The following TFPI variants were observed in gnomAD, a reference collection of about 807,000 sequenced individuals.
The protein encoded by TFPI is anti-convertin.
In TFPI, 15 loss-of-function variants were observed where a neutral mutation model predicts 34.6. The observed-to-expected ratio is 0.43, with a 90% CI of 0.29 to 0.67. The LOEUF is 0.67. TFPI is among the 30% of genes least tolerant of loss of function. TFPI has a pLI of 0.15. For synonymous variants in TFPI, 105 were observed against 120.1 expected (o/e 0.87, Z 0.82); for missense variants, 301 against 364.0 (o/e 0.83, Z 1.41).
chr2:187,540,502 T>C (rs1433485333), intron 1 of TFPI, among the ~76,000 whole-genome samples: 1 of 151,998 alleles, frequency 6.6e-6, no homozygotes, highest in Non-Finnish European at 1.5e-5. Flanking sequence ...CTCGATAAAT[T>C]AGGACAAAGA....
chr2:187,530,301 T>G (rs1687897483), intron 1 of TFPI, among the ~76,000 whole-genome samples: 3 of 152,188 alleles, frequency 2.0e-5, no homozygotes, highest in African/African-American at 7.2e-5. Context: ...AGGCTTGTTT[T>G]GAAATTGGAG....
intron 1 of TFPI, chr2:187,527,025 C>G (rs1253335985): frequency 2.6e-5 from 4 of 152,146 alleles, no homozygotes. Flanking sequence ...AACCTGGCAG[C>G]CTGTTTTTTG....
chr2:187,496,433 G>A (rs1229085413), intron 3 of TFPI, among the ~76,000 whole-genome samples: 3 of 152,036 alleles, frequency 2.0e-5, no homozygotes, highest in Non-Finnish European at 4.4e-5. Context: ...CTGGGAGGCC[G>A]AATTACACCC....
At chr2:187,540,375 TA>T (rs1387200967) in intron 1 of TFPI, among the ~76,000 whole-genome samples, 2 of 152,136 alleles carry the variant, frequency 1.3e-5, no homozygotes, top group Non-Finnish European at 2.9e-5. Flanking sequence ...ATATTCAGTA[TA>T]GGGGGATTAA....
chr2:187,489,378 AAAG>A (rs1029911646), intron 3 of TFPI, among the ~76,000 whole-genome samples: 3 of 134,144 alleles, frequency 2.2e-5, no homozygotes, highest in African/African-American at 6.0e-5. Context: ...CCTTTTAAAA[AAAG>A]AGGTGTGTGT....
intron 1 of TFPI, among the ~76,000 whole-genome samples, chr2:187,535,553 C>T (rs1246674178): frequency 1.3e-5 from 2 of 152,160 alleles, no homozygotes; most frequent in East Asian, 1.9e-4. Context: ...AAAGACACAA[C>T]ATACCAAAAT....
In TFPI at chr2:187,469,090, G is replaced by GA. The variant is rs8176588; in HGVS notation, c.629-1159dup. 6.6e-3 allele frequency among the ~76,000 whole-genome samples: 1,004 copies of GA among 151,604 alleles called. 18 individuals are homozygous for GA. The highest frequency in any genetic ancestry group is 0.023 in the African/African-American group (954 of 41,406). ...AAATAAAACAAAGTGAGAAAAAAAT[G>GA]AAAAAAAATCTCAAATTGATATAAA... is the stretch of plus-strand genomic sequence containing the variant. On this transcript the variant is annotated intron_variant, in intron 6 of 7. Coordinates refer to ENST00000233156, the MANE Select transcript of TFPI (RefSeq NM_006287.6).
chr2:187,523,249 G>A (rs1687502989), intron 1 of TFPI, among the ~76,000 whole-genome samples: 1 of 152,076 alleles, frequency 6.6e-6, no homozygotes, highest in African/African-American at 2.4e-5. Context: ...TTATGCATGT[G>A]TTCAACACAT....
At position 187,466,983 on chromosome 2, in the gene TFPI, GCTT is replaced by G; in HGVS notation, c.865_867del (p.Lys289del). 1.9e-6 allele frequency: 3 copies of G among 1,588,774 alleles called. No homozygotes were observed. Among genetic ancestry groups the G allele is most frequent in the African/African-American group, 2.7e-5 (2 of 74,022 alleles). Reference sequence around the variant, plus strand: ...TCTTCATATGCTATTTTCACTCTCTGCTTCTTTCTTTTTCTTTTGGTTTTAATT... The same window carrying G: ...TCTTCATATGCTATTTTCACTCTCTGCTTTCTTTTTCTTTTGGTTTTAATT... On this transcript the variant is annotated inframe_deletion, in exon 8 of 8. Transcript: ENST00000233156.
chr2:187,528,047 A>C (rs1026691258), intron 1 of TFPI, among the ~76,000 whole-genome samples: 1 of 151,990 alleles, frequency 6.6e-6, no homozygotes, highest in Admixed American at 6.6e-5. Flanking sequence ...AAATTTGTCT[A>C]TATTTATTTT....
At chr2:187,496,322 A>G (rs925279034) in intron 3 of TFPI, among the ~76,000 whole-genome samples, 2 of 152,126 alleles carry the variant, frequency 1.3e-5, no homozygotes, top group African/African-American at 4.8e-5. Context: ...TTCCAGATTC[A>G]TGATCTTGAG....
At chr2:187,552,410 ATAAT>A (rs1357969965) in intron 1 of TFPI, among the ~76,000 whole-genome samples, 3 of 152,126 alleles carry the variant, frequency 2.0e-5, no homozygotes, top group African/African-American at 7.2e-5. Context: ...AATTTTTAAG[ATAAT>A]TAAGCTGTTT....
chr2:187,488,860 T>C (rs1185750596), intron 3 of TFPI, among the ~76,000 whole-genome samples: 4 of 151,546 alleles, frequency 2.6e-5, no homozygotes, highest in African/African-American at 4.8e-5. Flanking sequence ...TTATTACCAA[T>C]GTAGAGAAGA....
At chr2:187,527,352 C>G (rs1398817257) in intron 1 of TFPI, 1 of 152,032 alleles carries the variant, frequency 6.6e-6, no homozygotes, top group Non-Finnish European at 1.5e-5. Context: ...CTGTATTTCC[C>G]CAATGGAGAA....
chr2:187,521,417 T>C (rs1356491243), intron 1 of TFPI, among the ~76,000 whole-genome samples: 2 of 151,794 alleles, frequency 1.3e-5, no homozygotes, highest in Non-Finnish European at 2.9e-5. Context: ...AGATATCTTT[T>C]CAAGACTCTG....
chr2:187,522,727 CA>C (rs145948076), intron 1 of TFPI, among the ~76,000 whole-genome samples: 107 of 111,672 alleles, frequency 9.6e-4, no homozygotes, highest in African/African-American at 2.6e-3. Flanking sequence ...ACTAAAAATA[CA>C]AAAAAAAAAA....
At chr2:187,524,130 A>C (rs1687560170) in intron 1 of TFPI, among the ~76,000 whole-genome samples, 1 of 151,920 alleles carries the variant, frequency 6.6e-6, no homozygotes, top group Admixed American at 6.6e-5. Flanking sequence ...AATATACCAA[A>C]ATTTATTTAT....
intron 3 of TFPI, among the ~76,000 whole-genome samples, chr2:187,495,623 G>A (rs749365943): frequency 6.6e-6 from 1 of 152,174 alleles, no homozygotes; most frequent in Non-Finnish European, 1.5e-5. Context: ...CAGAGCCACA[G>A]AGGAGAGAAG....
rs892149431 is a variant in TFPI, at chr2:187,522,764, G to A, written c.-2-18994C>T. Among the ~76,000 whole-genome samples, 116 of 149,894 alleles carry A rather than the reference G, an allele frequency of 7.7e-4. 3 individuals are homozygous for A. Among genetic ancestry groups the A allele is most frequent in the Admixed American group, 6.7e-3 (101 of 15,070 alleles). On this transcript the variant is annotated intron_variant, in intron 1 of 7. Coordinates refer to ENST00000233156, the MANE Select transcript of TFPI (RefSeq NM_006287.6). ...AAAAAACCCAGGCACGGTGGTGGGC[G>A]CCTGTAGTCCCAACTACTCGGGAGG... is the stretch of plus-strand genomic sequence containing the variant.
Sources: gnomAD v4.1 joint callset for allele counts (sites outside exome capture counted in the v4.1 genomes callset) on GRCh38, gnomAD v4.1.1 for gene constraint, MANE v1.5 for transcripts, NCBI Gene and HGNC (gene_info 2026-07-23, HGNC 2026-07-21) for gene names.